The following CD276 variants were observed in gnomAD, a reference collection of about 807,000 sequenced individuals.
CD276 encodes CD276 molecule.
Under a neutral mutation model 50.0 loss-of-function variants are expected in CD276, and 34 were observed. That is an observed-to-expected ratio of 0.68 (90% confidence interval 0.52 to 0.91). CD276 has a LOEUF of 0.91. Among genes scored for constraint, CD276 ranks in the 40% least tolerant of loss-of-function variants. The pLI, the probability that CD276 is intolerant of heterozygous loss-of-function variation, is 0.00. For synonymous variants in CD276, 275 were observed against 313.0 expected (o/e 0.88, Z 1.28); for missense variants, 634 against 717.5 (o/e 0.88, Z 1.33).
At chr15:73,690,779 A>T (rs1347002250) in intron 1 of CD276, 1 of 455,630 alleles carries the variant, frequency 2.2e-6, no homozygotes, top group African/African-American at 2.0e-5. Context: ...ACTGTGAGGT[A>T]GGAAAGGGAG....
chr15:73,708,499 T>C (rs746788918), intron 7 of CD276, 26 bp downstream of exon 7: 11 of 1,603,290 alleles, frequency 6.9e-6, no homozygotes, highest in South Asian at 6.7e-5. Flanking sequence ...TGTGTGTGCG[T>C]GCGCATGCAC....
At chr15:73,685,587 T>A (rs1899727082) in intron 1 of CD276, among the ~76,000 whole-genome samples, 1 of 151,946 alleles carries the variant, frequency 6.6e-6, no homozygotes, top group African/African-American at 2.4e-5. Context: ...GATCTCTTCA[T>A]TAAAGCCCGG....
chr15:73,708,726 A>G (rs1472831099), intron 7 of CD276: 1 of 521,880 alleles, frequency 1.9e-6, no homozygotes, highest in East Asian at 3.4e-5. Flanking sequence ...GTGGGAGTGT[A>G]AGGCCAAGTG....
At chr15:73,709,344 G>C (rs1900790568) in intron 7 of CD276, among the ~76,000 whole-genome samples, 1 of 151,568 alleles carries the variant, frequency 6.6e-6, no homozygotes, top group Admixed American at 6.6e-5. Flanking sequence ...GTCCTTGACT[G>C]GGTAAGTGGT....
rs1030150518 is a variant in CD276 at position 73,687,395 on chromosome 15, T to C, written c.-55+2935T>C. Among the ~76,000 whole-genome samples the C allele has an allele frequency of 6.6e-6, 1 of 152,202 alleles. No individual in the cohort carries two copies. The highest frequency in any genetic ancestry group is 2.4e-5 in the African/African-American group (1 of 41,452). ...GCCGGCAAATGGTGGAGCTGGGCTG[T>C]TGTCTGCTTCCAGAACTGGCTTTTT... On this transcript the variant is annotated intron_variant, in intron 1 of 9. Transcript: ENST00000318443. The surrounding 1 kb of genome is among the most constrained non-coding windows in gnomAD (Gnocchi z 4.0).
At chr15:73,702,617 T>C in intron 3 of CD276, 24 bp downstream of exon 3, 2 of 1,589,700 alleles carry the variant, frequency 1.3e-6, no homozygotes, top group Non-Finnish European at 1.7e-6. Flanking sequence ...GGGGGACGCC[T>C]TCCCCTTAGT....
At position 73,703,950 on chromosome 15, in the gene CD276, T is replaced by A; in HGVS notation, c.1025T>A (p.Val342Glu). Residue 342 changes from valine to glutamate, a missense_variant, in exon 5 of 10, where the codon GTG becomes GAG. Transcript: ENST00000318443. Reference protein sequence around the residue: ...VADEGSFTCFVSIRDFGSAAV... With the variant: ...VADEGSFTCFESIRDFGSAAV... ...GACGAGGGCAGCTTCACCTGCTTCG[T>A]GAGCATCCGGGATTTCGGCAGCGCT... is the stretch of plus-strand genomic sequence containing the variant. The A allele has an allele frequency of 6.2e-7, 1 of 1,612,766 alleles. No individual in the cohort carries two copies. The highest frequency in any genetic ancestry group is 1.1e-5 in the South Asian group (1 of 91,048).
Position 73,695,630 on chromosome 15 carries a change from A to G in CD276, c.-54-3956A>G, listed in dbSNP as rs545125910. On this transcript the variant is annotated intron_variant, in intron 1 of 9. Coordinates refer to ENST00000318443, the MANE Select transcript of CD276 (RefSeq NM_001024736.2). ...AGTAGTGAAATGAATTACTAAAGAC[A>G]TGAATGCATGTGGATTCAAGGACTC... Among the ~76,000 whole-genome samples, 99 of 152,340 alleles carry G rather than the reference A, an allele frequency of 6.5e-4. 1 individual carries two copies. In the South Asian group the frequency reaches 9.7e-3, roughly 15 times the overall value.
chr15:73,694,715 C>T (rs1900115359), intron 1 of CD276, among the ~76,000 whole-genome samples: 2 of 152,216 alleles, frequency 1.3e-5, no homozygotes, highest in African/African-American at 4.8e-5. Context: ...ATGCTTCTCT[C>T]TTTCAGGGCA....
chr15:73,705,653 G>T (rs920139061), intron 6 of CD276, among the ~76,000 whole-genome samples: 4 of 152,096 alleles, frequency 2.6e-5, no homozygotes, highest in African/African-American at 9.7e-5. Context: ...TGGTTTGGTG[G>T]TGAAAATGCT....
At chr15:73,686,240 T>C (rs1899754623) in intron 1 of CD276, 1 of 967,536 alleles carries the variant, frequency 1.0e-6, no homozygotes, top group Non-Finnish European at 1.2e-6. Context: ...TGGTTTCTCC[T>C]GCCTGCAGTA....
chr15:73,709,767 AG>A (rs2141583865), intron 8 of CD276, 78 bp downstream of exon 8: 1 of 1,416,884 alleles, frequency 7.1e-7, no homozygotes, highest in Non-Finnish European at 9.8e-7. Flanking sequence ...TAGGATCTGG[AG>A]GGGCCAGATT....
intron 9 of CD276, 82 bp downstream of exon 9, chr15:73,711,252 C>G: frequency 4.8e-6 from 7 of 1,464,454 alleles, no homozygotes; most frequent in Non-Finnish European, 6.7e-6. Context: ...TAGGCATCAT[C>G]CTTTCACTAG....
chr15:73,711,292 G>C, intron 9 of CD276, 122 bp downstream of exon 9: 1 of 1,032,686 alleles, frequency 9.7e-7, no homozygotes, highest in South Asian at 1.3e-5. Context: ...CAGAAGAGCA[G>C]CCTCAACTTC....
chr15:73,702,769 C>T lies in CD276; in HGVS notation c.419-3C>T. The T allele has an allele frequency of 6.2e-7, 1 of 1,609,490 alleles. No homozygotes were observed. Among genetic ancestry groups the T allele is most frequent in the Non-Finnish European group, 8.5e-7 (1 of 1,177,794 alleles). The stretch of plus-strand genomic sequence containing the variant: ...CTTGACCCCTGCCCTCTGTCACCTC[C>T]AGCTCCCTACTCGAAGCCCAGCATG... On this transcript the variant is annotated splice_polypyrimidine_tract_variant and splice_region_variant and intron_variant, in intron 3 of 9. Transcript: ENST00000318443.
Position 73,702,170 on chromosome 15 carries a change from G to A in CD276, c.80-85G>A, listed in dbSNP as rs534262033. ...TAAAAGGAGGGGTGGACAGGGCCTGGGGTTAGCAGGGGCAGGGAGCGGGAC... is the reference window on the plus strand; with the variant it reads ...TAAAAGGAGGGGTGGACAGGGCCTGAGGTTAGCAGGGGCAGGGAGCGGGAC... On this transcript the variant is annotated intron_variant, in intron 2 of 9. Coordinates refer to ENST00000318443, the MANE Select transcript of CD276 (RefSeq NM_001024736.2). The A allele has an allele frequency of 1.4e-5, 16 of 1,108,492 alleles. No homozygotes were observed. In the East Asian group the frequency reaches 3.4e-4, roughly 23 times the overall value. 68.7% of individuals were successfully genotyped at this position (1,108,492 alleles called of 1,614,324 possible).
Position 73,684,447 on chromosome 15 carries a change from G to A in CD276, c.-68G>A, listed in dbSNP as rs1056900375. 1.3e-5 allele frequency: 2 copies of A among 152,426 alleles called. No individual in the cohort carries two copies. Among genetic ancestry groups the A allele is most frequent in the Non-Finnish European group, 2.9e-5 (2 of 68,300 alleles). 9.4% of individuals were successfully genotyped at this position (152,426 alleles called of 1,614,324 possible). A position where few individuals can be genotyped will look rare whatever the true frequency, so the allele number is the denominator to read the frequency against. ...CTGGGCCGCGTCCCTGAGTCCCAGA[G>A]TCGGCGCGGCGCGGTGAGTGCTGGC... On this transcript the variant is annotated 5_prime_UTR_variant, in exon 1 of 10. Coordinates refer to ENST00000318443, the MANE Select transcript of CD276 (RefSeq NM_001024736.2).
Position 73,702,824 on chromosome 15 carries a change from A to G in CD276, c.471A>G (p.Pro157=). 2 of 1,613,708 alleles carry G rather than the reference A, an allele frequency of 1.2e-6. No individual in the cohort carries two copies. Among genetic ancestry groups the G allele is most frequent in the South Asian group, 2.2e-5 (2 of 91,068 alleles). The change falls in exon 4 of 10, where the codon CCA becomes CCG. Residue 157 remains proline (P), a synonymous_variant. Coordinates refer to ENST00000318443, the MANE Select transcript of CD276 (RefSeq NM_001024736.2). ...MTLEPNKDLR[P]GDTVTITCSS... Reference sequence around the variant, plus strand: ...TGGAGCCCAACAAGGACCTGCGGCCAGGGGACACGGTGACCATCACGTGCT... The same window carrying G: ...TGGAGCCCAACAAGGACCTGCGGCCGGGGGACACGGTGACCATCACGTGCT...
At position 73,702,300 on chromosome 15, in the gene CD276, T is replaced by C; in HGVS notation, c.125T>C (p.Val42Ala). The change falls in exon 3 of 10, where the codon GTG becomes GCG. Residue 42 changes from valine to alanine, a missense_variant. Physicochemically the swap from Val to Ala is moderately conservative, Grantham distance 64 (BLOSUM62 0). Transcript: ENST00000318443. ...CCTGAAGACCCAGTGGTGGCACTGG[T>C]GGGCACCGATGCCACCCTGTGCTGC... Reference protein sequence around the residue: ...QVPEDPVVALVGTDATLCCSF... With the variant: ...QVPEDPVVALAGTDATLCCSF... 6.2e-7 allele frequency: 1 copy of C among 1,613,056 alleles called. No homozygotes were observed. The highest frequency in any genetic ancestry group is 8.5e-7 in the Non-Finnish European group (1 of 1,179,888).
Sources: gnomAD v4.1 joint callset for allele counts (sites outside exome capture counted in the v4.1 genomes callset) on GRCh38, gnomAD v4.1.1 for gene constraint, Gnocchi (gnomAD v3.1) non-coding constraint, MANE v1.5 for transcripts, NCBI Gene and HGNC (gene_info 2026-07-23, HGNC 2026-07-21) for gene names.